ZNF37A: variants seen among roughly 807,000 people sequenced by gnomAD.
ZNF37A encodes the protein zinc finger protein 37a (KOX 21).
In ZNF37A, 10 loss-of-function variants were observed where a neutral mutation model predicts 12.3. The ratio of observed to expected loss-of-function variants is 0.82; its 90% CI spans 0.50 to 1.38. The LOEUF (loss-of-function observed/expected upper bound fraction) is 1.38. Among genes scored for constraint, ZNF37A ranks in the 40% most tolerant of loss-of-function variants. ZNF37A has a pLI of 0.00. For synonymous variants in ZNF37A, 207 were observed against 223.0 expected (o/e 0.93, Z 0.64); for missense variants, 580 against 651.2 (o/e 0.89, Z 1.19).
Position 38,124,510 on chromosome 10 carries a change from T to C in ZNF37A, c.*5673T>C, listed in dbSNP as rs1442042421. 5 of 152,186 alleles carry C rather than the reference T, an allele frequency of 3.3e-5. No homozygotes were observed. The highest frequency in any genetic ancestry group is 7.3e-5 in the Non-Finnish European group (5 of 68,030). 9.4% of individuals were successfully genotyped at this position (152,186 alleles called of 1,614,324 possible). On this transcript the variant is annotated 3_prime_UTR_variant, in exon 8 of 8. Transcript: ENST00000685332. ...GTTATGGATACCCCATTTACCCTGA[T>C]GTGATTATTAGACATTGCATGCCTA...
intron 5 of ZNF37A, among the ~76,000 whole-genome samples, chr10:38,112,201 TG>T (rs2068743822): frequency 6.6e-6 from 1 of 151,850 alleles, no homozygotes; most frequent in African/African-American, 2.4e-5. Flanking sequence ...GGCTCTGTCC[TG>T]GGGCACTTTT....
chr10:38,107,113 G>A (rs1590839640), intron 5 of ZNF37A, among the ~76,000 whole-genome samples: 2 of 152,222 alleles, frequency 1.3e-5, no homozygotes, highest in African/African-American at 4.8e-5. Flanking sequence ...AGAAAGGTCA[G>A]GTCACCCACA....
intron 5 of ZNF37A, among the ~76,000 whole-genome samples, chr10:38,102,232 T>C (rs1348455544): frequency 6.6e-6 from 1 of 152,214 alleles, no homozygotes; most frequent in East Asian, 1.9e-4. Flanking sequence ...TTGCTATTTA[T>C]TTTCCATATG....
chr10:38,115,134 G>T (rs1349217554), intron 6 of ZNF37A, 61 bp from the exon 7 acceptor site: 1 of 1,404,900 alleles, frequency 7.1e-7, no homozygotes, highest in Non-Finnish European at 9.8e-7. Flanking sequence ...GGGGTATACT[G>T]TCTTCCTCCT....
intron 7 of ZNF37A, among the ~76,000 whole-genome samples, chr10:38,133,259 C>G (rs921225952): frequency 6.6e-6 from 1 of 152,122 alleles, no homozygotes; most frequent in Non-Finnish European, 1.5e-5. Context: ...TTAATCTGTT[C>G]AGATTTAAAG....
chr10:38,096,993 C>T (rs755397646), intron 5 of ZNF37A, among the ~76,000 whole-genome samples: 1 of 152,150 alleles, frequency 6.6e-6, no homozygotes, highest in African/African-American at 2.4e-5. Flanking sequence ...TAATGGCCCA[C>T]AAGCCTAAAA....
chr10:38,125,050 A>C (rs1427235309), downstream of ZNF37A: 1 of 152,260 alleles, frequency 6.6e-6, no homozygotes, highest in African/African-American at 2.4e-5. Flanking sequence ...ATAAGAGCTC[A>C]AACTTAAAAC....
In ZNF37A at chr10:38,117,610, A is replaced by G; in HGVS notation, c.459A>G (p.Lys153=). 1 of 1,613,842 alleles carries G rather than the reference A, an allele frequency of 6.2e-7. No homozygotes were observed. The highest frequency in any genetic ancestry group is 1.1e-5 in the South Asian group (1 of 91,020). The change falls in exon 8 of 8, where the codon AAA becomes AAG. Residue 153 remains lysine (K), a synonymous_variant. Transcript: ENST00000685332. The part of the protein sequence containing the change: ...EQSFEYNECG[K]AFPENSLFLV... ...CTTTTGAATACAATGAATGTGGGAA[A>G]GCTTTCCCTGAGAATTCACTCTTCC...
intron 5 of ZNF37A, among the ~76,000 whole-genome samples, chr10:38,102,153 C>G (rs990133405): frequency 6.6e-6 from 1 of 152,034 alleles, no homozygotes; most frequent in African/African-American, 2.4e-5. Context: ...CAATTTCTGT[C>G]TTTTAGTTGG....
chr10:38,117,116 C>A (rs1367333038), intron 7 of ZNF37A: 3 of 871,436 alleles, frequency 3.4e-6, no homozygotes, highest in Non-Finnish European at 4.1e-6. Context: ...CTCAAAAACA[C>A]CACCACCACC....
At chr10:38,128,876 C>T (rs1447931781), downstream of ZNF37A, among the ~76,000 whole-genome samples, 1 of 152,170 alleles carries the variant, frequency 6.6e-6, no homozygotes, top group Admixed American at 6.5e-5. Context: ...GCCTCAGCCT[C>T]CTGAGTAGCT....
intron 5 of ZNF37A, among the ~76,000 whole-genome samples, chr10:38,111,496 A>G (rs900006192): frequency 2.6e-5 from 4 of 151,854 alleles, no homozygotes; most frequent in South Asian, 2.1e-4. Context: ...AAAAAAAAAA[A>G]CTGTTGACTG....
chr10:38,115,014 T>C, intron 6 of ZNF37A, 133 bp downstream of exon 6: 1 of 1,328,302 alleles, frequency 7.5e-7, no homozygotes, highest in East Asian at 2.4e-5. Context: ...ATTTATCCCT[T>C]TTGGATACCA....
chr10:38,114,929 T>G (rs760951136), intron 6 of ZNF37A, 48 bp downstream of exon 6: 1 of 1,555,682 alleles, frequency 6.4e-7, no homozygotes, highest in Admixed American at 2.1e-5. Flanking sequence ...GCATGTCCTT[T>G]CTTATCAATA....
intron 5 of ZNF37A, among the ~76,000 whole-genome samples, chr10:38,097,929 G>A (rs1350153314): frequency 6.6e-6 from 1 of 152,078 alleles, no homozygotes; most frequent in Non-Finnish European, 1.5e-5. Flanking sequence ...AGGAAACATA[G>A]TACCCTTAAT....
In ZNF37A at chr10:38,096,769, A is replaced by G. The variant is rs150907306; in HGVS notation, c.15+137A>G. The G allele has an allele frequency of 5.2e-6, 4 of 772,048 alleles. No homozygotes were observed. The African/African-American group carries it at 5.4e-5, about 10-fold the overall frequency. The allele number at this position is 772,048 out of a possible 1,614,324, so 47.8% of individuals were successfully genotyped here. A position where few individuals can be genotyped will look rare whatever the true frequency, so the allele number is the denominator to read the frequency against. ...GGTCACATTACATTTCATGGGTCAAATGCAGCCTGCCGCATGTTTTTTTAT... is the reference window on the plus strand; with the variant it reads ...GGTCACATTACATTTCATGGGTCAAGTGCAGCCTGCCGCATGTTTTTTTAT... On this transcript the variant is annotated intron_variant, in intron 5 of 7. Coordinates refer to ENST00000685332, the MANE Select transcript of ZNF37A (RefSeq NM_001324250.3).
chr10:38,101,267 C>T (rs1331759737), intron 5 of ZNF37A, among the ~76,000 whole-genome samples: 1 of 152,018 alleles, frequency 6.6e-6, no homozygotes, highest in Non-Finnish European at 1.5e-5. Flanking sequence ...TGTCAAGAAT[C>T]CATTCTCCAA....
chr10:38,098,810 G>A (rs926820382), intron 5 of ZNF37A, among the ~76,000 whole-genome samples: 9 of 152,176 alleles, frequency 5.9e-5, no homozygotes, highest in African/African-American at 2.2e-4. Flanking sequence ...AGTAGAGACT[G>A]TAATGGCCCA....
chr10:38,116,229 A>C (rs2069261122), intron 7 of ZNF37A, among the ~76,000 whole-genome samples: 1 of 152,232 alleles, frequency 6.6e-6, no homozygotes, highest in African/African-American at 2.4e-5. Flanking sequence ...TAGGGCACTG[A>C]GAGAAAATCA....
Sources: gnomAD v4.1 joint callset for allele counts (sites outside exome capture counted in the v4.1 genomes callset) on GRCh38, gnomAD v4.1.1 for gene constraint, MANE v1.5 for transcripts, NCBI Gene and HGNC (gene_info 2026-07-23, HGNC 2026-07-21) for gene names.